EPHA8: variants seen among roughly 807,000 people sequenced by gnomAD.
The protein encoded by EPHA8 is EPH receptor A8.
EPHA8 carries 58 observed loss-of-function variants against 103.6 expected under a neutral mutation model. That is an observed-to-expected ratio of 0.56 (90% confidence interval 0.45 to 0.70). The LOEUF (loss-of-function observed/expected upper bound fraction) is 0.70, where lower values mean the gene tolerates loss of function less well. Among genes scored for constraint, EPHA8 ranks in the 30% least tolerant of loss-of-function variants. EPHA8 has a pLI of 0.00. For missense variants in EPHA8, 1,304 were observed against 1,395.2 expected (o/e 0.93, Z 1.04); for synonymous variants, 559 against 572.5 (o/e 0.98, Z 0.34).
chr1:22,570,937 C>T (rs565891185), intron 2 of EPHA8, among the ~76,000 whole-genome samples: 1 of 152,364 alleles, frequency 6.6e-6, no homozygotes, highest in South Asian at 2.1e-4. Flanking sequence ...CTGGTCCCCC[C>T]GTGGCAGGGT....
In EPHA8 at chr1:22,599,065, C is replaced by A. The variant is rs372470464; in HGVS notation, c.2388+18C>A. ...CCACCACGGTGCGTCGCCCACACTC[C>A]TTCCGGCTAGACTGGGGAGTGGGGA... On this transcript the variant is annotated intron_variant, in intron 13 of 16. Coordinates refer to ENST00000166244, the MANE Select transcript of EPHA8 (RefSeq NM_020526.5). 53 of 1,580,184 alleles carry A rather than the reference C, an allele frequency of 3.4e-5. No individual in the cohort carries two copies. In the African/African-American group the frequency reaches 6.5e-4, roughly 19 times the overall value.
intron 7 of EPHA8, among the ~76,000 whole-genome samples, chr1:22,594,620 C>A (rs1641467373): frequency 6.6e-6 from 1 of 152,228 alleles, no homozygotes; most frequent in Admixed American, 6.5e-5. Flanking sequence ...TGTATGTGCA[C>A]CCACTGCGTG....
Position 22,567,113 on chromosome 1 carries a change from C to A in EPHA8, c.95-2176C>A, listed in dbSNP as rs74060284. On this transcript the variant is annotated intron_variant, in intron 1 of 16. Coordinates refer to ENST00000166244, the MANE Select transcript of EPHA8 (RefSeq NM_020526.5). This position sits in a 1 kb window ranked among gnomAD's most constrained non-coding sequence, Gnocchi z 4.2. ...GTGTCTGCAGGCCCTGAAGCCTGCA[C>A]GCTCCAGGGCGAGAATCCTAAGCAG... Among the ~76,000 whole-genome samples the A allele has an allele frequency of 0.032, 4,915 of 152,204 alleles. 289 individuals are homozygous for A. The highest frequency in any genetic ancestry group is 0.11 in the African/African-American group (4,595 of 41,510).
At chr1:22,568,878 CATT>C (rs1468512368) in intron 1 of EPHA8, among the ~76,000 whole-genome samples, 1 of 152,198 alleles carries the variant, frequency 6.6e-6, no homozygotes, top group Non-Finnish European at 1.5e-5. Flanking sequence ...GTTATCACCC[CATT>C]TTACAGAGGA....
At chr1:22,580,287 C>T (rs1177078269) in intron 3 of EPHA8, among the ~76,000 whole-genome samples, 9 of 151,814 alleles carry the variant, frequency 5.9e-5, no homozygotes, top group East Asian at 3.9e-4. Context: ...TACAGGTGCC[C>T]GCCACCACGC....
rs1640403351 is a variant in EPHA8, at chr1:22,567,571, G to C, written c.95-1718G>C. Among the ~76,000 whole-genome samples, 1 of 152,094 alleles carries C rather than the reference G, an allele frequency of 6.6e-6. No homozygotes were observed. The highest frequency in any genetic ancestry group is 1.5e-5 in the Non-Finnish European group (1 of 67,998). ...GAGGAGCGCGGAGACCCCCTCCCTA[G>C]TTCTGCCAGCCTCACTCCAGCCGGC... On this transcript the variant is annotated intron_variant, in intron 1 of 16. Transcript: ENST00000166244. This position sits in a 1 kb window ranked among gnomAD's most constrained non-coding sequence, Gnocchi z 4.2.
At chr1:22,581,644 G>C (rs1026299928) in intron 3 of EPHA8, among the ~76,000 whole-genome samples, 2 of 152,188 alleles carry the variant, frequency 1.3e-5, no homozygotes, top group African/African-American at 4.8e-5. Flanking sequence ...AGAGGCCAAG[G>C]CCACTCCTAT....
intron 7 of EPHA8, among the ~76,000 whole-genome samples, chr1:22,594,930 G>A (rs1225413256): frequency 1.3e-5 from 2 of 152,230 alleles, no homozygotes; most frequent in African/African-American, 4.8e-5. Flanking sequence ...AGGGAGGACA[G>A]GCATTTATTG....
chr1:22,589,335 G>A lies in EPHA8; in HGVS notation c.1315+129G>A, dbSNP rs1284621908. 1.9e-6 allele frequency: 3 copies of A among 1,604,640 alleles called. No homozygotes were observed. The highest frequency in any genetic ancestry group is 1.3e-5 in the African/African-American group (1 of 74,932). On this transcript the variant is annotated intron_variant, in intron 5 of 16. Transcript: ENST00000166244. This position sits in a 1 kb window ranked among gnomAD's most constrained non-coding sequence, Gnocchi z 4.3. The stretch of plus-strand genomic sequence containing the variant: ...TAGGCAAGTGCCTCTCTGGCCCTGC[G>A]CTCCTCACCAGGACCCAGAGCTGGA...
At position 22,598,250 on chromosome 1, in the gene EPHA8, G is replaced by A. The variant is rs572975439; in HGVS notation, c.2178+38G>A. 54 of 1,602,534 alleles carry A rather than the reference G, an allele frequency of 3.4e-5. No individual in the cohort carries two copies. In the South Asian group the frequency reaches 5.9e-4, roughly 17 times the overall value. ...CCCCTGCCTCTTGCATGGGCTTGGG[G>A]AGGGAGGTCCAGTCTGGGTGCTGGG... On this transcript the variant is annotated intron_variant, in intron 12 of 16. Transcript: ENST00000166244. This position sits in a 1 kb window ranked among gnomAD's most constrained non-coding sequence, Gnocchi z 5.1.
Position 22,567,879 on chromosome 1 carries a change from T to G in EPHA8, c.95-1410T>G, listed in dbSNP as rs1569943419. ...GGAGAAGGGGTCATGGAAGGCAGAGTGAAAGGGAAAGCTGTGGGACTCTGG... is the reference window on the plus strand; with the variant it reads ...GGAGAAGGGGTCATGGAAGGCAGAGGGAAAGGGAAAGCTGTGGGACTCTGG... On this transcript the variant is annotated intron_variant, in intron 1 of 16. Coordinates refer to ENST00000166244, the MANE Select transcript of EPHA8 (RefSeq NM_020526.5). The surrounding 1 kb of genome is among the most constrained non-coding windows in gnomAD (Gnocchi z 4.2). Among the ~76,000 whole-genome samples, 1 of 151,548 alleles carries G rather than the reference T, an allele frequency of 6.6e-6. No individual in the cohort carries two copies. Among genetic ancestry groups the G allele is most frequent in the African/African-American group, 2.4e-5 (1 of 41,216 alleles).
At chr1:22,588,200 C>T (rs935170584) in intron 4 of EPHA8, among the ~76,000 whole-genome samples, 37 of 152,332 alleles carry the variant, frequency 2.4e-4, no homozygotes, top group African/African-American at 7.2e-4. Flanking sequence ...AACTGGAATT[C>T]TGAGGCCAGG....
intron 13 of EPHA8, among the ~76,000 whole-genome samples, chr1:22,599,720 G>A (rs1175994260): frequency 2.2e-3 from 3 of 1,368 alleles, no homozygotes; most frequent in Non-Finnish European, 7.2e-3. Context: ...GGAAGGAAGG[G>A]AGGGAGGGAA....
rs889187097 is a variant in EPHA8, at chr1:22,602,377, C to T, written c.*636C>T. 16 of 153,538 alleles carry T rather than the reference C, an allele frequency of 1.0e-4. No homozygotes were observed. The highest frequency in any genetic ancestry group is 3.9e-4 in the East Asian group (2 of 5,178). 9.5% of individuals were successfully genotyped at this position (153,538 alleles called of 1,614,324 possible). A position where few individuals can be genotyped will look rare whatever the true frequency, so the allele number is the denominator to read the frequency against. On this transcript the variant is annotated 3_prime_UTR_variant, in exon 17 of 17. Transcript: ENST00000166244. Reference sequence around the variant, plus strand: ...ACTGCACCAGCACCAGGCCCACCCTCGTCTCTGCCTGGGTGAGCCCACCCC... The same window carrying T: ...ACTGCACCAGCACCAGGCCCACCCTTGTCTCTGCCTGGGTGAGCCCACCCC...
rs148372635 is a variant in EPHA8 at position 22,566,430 on chromosome 1, G to A, written c.94+2701G>A. Among the ~76,000 whole-genome samples, 150 of 152,336 alleles carry A rather than the reference G, an allele frequency of 9.8e-4. 1 individual carries two copies. The highest frequency in any genetic ancestry group is 3.5e-3 in the African/African-American group (144 of 41,570). On this transcript the variant is annotated intron_variant, in intron 1 of 16. Coordinates refer to ENST00000166244, the MANE Select transcript of EPHA8 (RefSeq NM_020526.5). ...AAATCGCATAATGCCTTCCACAGTC[G>A]AACAGGAACGGCTTAGGAGTTATCT...
Position 22,595,231 on chromosome 1 carries a change from G to A in EPHA8, c.1605G>A (p.Arg535=), listed in dbSNP as rs761515398. The change falls in exon 8 of 17, where the codon CGG becomes CGA. Residue 535 remains arginine, a splice_region_variant and synonymous_variant. Coordinates refer to ENST00000166244, the MANE Select transcript of EPHA8 (RefSeq NM_020526.5). ...CCCAACCCTGGCTTTCCCCTGCAGGGCCCCGCTATGACACCAGGACCATTG... is the reference window on the plus strand; with the variant it reads ...CCCAACCCTGGCTTTCCCCTGCAGGACCCCGCTATGACACCAGGACCATTG... ...QAMEVETGKP[R]PRYDTRTIVW... 5.6e-6 allele frequency: 9 copies of A among 1,608,578 alleles called. No individual in the cohort carries two copies. The East Asian group carries it at 1.8e-4, about 32-fold the overall frequency.
At chr1:22,579,088 C>T (rs1283702142) in intron 3 of EPHA8, among the ~76,000 whole-genome samples, 14 of 104,590 alleles carry the variant, frequency 1.3e-4, no homozygotes, top group African/African-American at 6.8e-4. Context: ...TGTGTACGTG[C>T]ATGTGTGCAT....
At chr1:22,599,299 C>G (rs1641612157) in intron 13 of EPHA8, among the ~76,000 whole-genome samples, 1 of 152,164 alleles carries the variant, frequency 6.6e-6, no homozygotes, top group African/African-American at 2.4e-5. Flanking sequence ...CAGTCACTCA[C>G]CAGGAGACTT....
intron 13 of EPHA8, 107 bp downstream of exon 13, chr1:22,599,154 CG>C (rs897081089): frequency 1.6e-6 from 2 of 1,249,998 alleles, no homozygotes; most frequent in African/African-American, 1.5e-5. Flanking sequence ...TTGGCAGTTT[CG>C]GGGTGGCCCT....
Sources: gnomAD v4.1 joint callset for allele counts (sites outside exome capture counted in the v4.1 genomes callset) on GRCh38, gnomAD v4.1.1 for gene constraint, Gnocchi (gnomAD v3.1) non-coding constraint, MANE v1.5 for transcripts, NCBI Gene and HGNC (gene_info 2026-07-23, HGNC 2026-07-21) for gene names.